NAV3: variants seen among roughly 807,000 people sequenced by gnomAD.
NAV3 encodes pore membrane and/or filament interacting like protein 1.
Under a neutral mutation model 244.7 loss-of-function variants are expected in NAV3, and 87 were observed. The observed-to-expected ratio is 0.36, with a 90% confidence interval of 0.30 to 0.42. NAV3 has a LOEUF of 0.42. NAV3 is among the 20% of genes least tolerant of loss of function. NAV3 has a pLI of 1.00. For missense variants in NAV3, 2,663 were observed against 2,893.3 expected, an observed-to-expected ratio of 0.92 and a Z score of 1.83; for synonymous variants, 1,126 against 1,042.2, an observed-to-expected ratio of 1.08 and a Z score of -1.55.
Position 78,127,161 on chromosome 12 carries a change from T to C in NAV3, c.4239-6T>C. The C allele has an allele frequency of 1.2e-6, 2 of 1,613,696 alleles. No homozygotes were observed. The highest frequency in any genetic ancestry group is 2.2e-5 in the East Asian group (1 of 44,846). On this transcript the variant is annotated splice_region_variant and splice_polypyrimidine_tract_variant and intron_variant, in intron 16 of 39. Transcript: ENST00000397909. ...ATGTCCTTAGGGGTTTTCTTTGTTTTAACAGCATGCAGCTTGACAGAAATA... is the reference window on the plus strand; with the variant it reads ...ATGTCCTTAGGGGTTTTCTTTGTTTCAACAGCATGCAGCTTGACAGAAATA...
At chr12:77,742,857 C>T (rs1236695377) in intron 2 of NAV3, among the ~76,000 whole-genome samples, 1 of 151,912 alleles carries the variant, frequency 6.6e-6, no homozygotes, top group Non-Finnish European at 1.5e-5. Flanking sequence ...TTCATCTCTC[C>T]AGTCAATTGC....
chr12:77,980,881 C>T (rs1188171469), intron 5 of NAV3, among the ~76,000 whole-genome samples: 1 of 152,120 alleles, frequency 6.6e-6, no homozygotes, highest in Non-Finnish European at 1.5e-5. Flanking sequence ...GACTTTGATG[C>T]TGTAATATCT....
Position 78,007,104 on chromosome 12 carries a change from G to A in NAV3, c.1566G>A (p.Pro522=), listed in dbSNP as rs34276383. ...TTAAKKESLI[P]SSSGIPKPGS... The stretch of plus-strand genomic sequence containing the variant: ...CAGCTAAGAAGGAAAGCTTAATTCC[G>A]TCTTCCAGTGGTATTCCAAAACCAG... The change falls in exon 8 of 40, where the codon CCG becomes CCA. Residue 522 remains proline, a synonymous_variant. Transcript: ENST00000397909. The A allele has an allele frequency of 0.13, 211,838 of 1,613,920 alleles. 14,568 individuals are homozygous for A. Among genetic ancestry groups the A allele is most frequent in the South Asian group, 0.19 (17,454 of 91,074 alleles).
intron 3 of NAV3, among the ~76,000 whole-genome samples, chr12:77,958,097 A>C (rs1891541897): frequency 6.6e-6 from 1 of 152,220 alleles, no homozygotes; most frequent in East Asian, 1.9e-4. Context: ...GAAGGTGATG[A>C]AAATTCTTCC....
chr12:77,789,468 A>G (rs1871070521), intron 2 of NAV3, among the ~76,000 whole-genome samples: 1 of 151,548 alleles, frequency 6.6e-6, no homozygotes, highest in Non-Finnish European at 1.5e-5. Context: ...TGGAAGAATA[A>G]TTGTATAAAA....
chr12:77,947,093 A>G (rs1253085143), intron 3 of NAV3, among the ~76,000 whole-genome samples: 1 of 152,040 alleles, frequency 6.6e-6, no homozygotes, highest in African/African-American at 2.4e-5. Flanking sequence ...GTTGTTTACA[A>G]TTTGCTGATA....
chr12:78,152,474 C>T (rs1357691607), intron 22 of NAV3, among the ~76,000 whole-genome samples: 2 of 151,594 alleles, frequency 1.3e-5, no homozygotes, highest in Admixed American at 6.6e-5. Flanking sequence ...ATTTGAATTA[C>T]TCTCAAGTCA....
At chr12:77,961,684 T>G (rs2137860479) in intron 3 of NAV3, among the ~76,000 whole-genome samples, 1 of 147,520 alleles carries the variant, frequency 6.8e-6, no homozygotes, top group South Asian at 2.1e-4. Context: ...GTAATATATG[T>G]AATATATGTT....
At chr12:77,767,953 A>T (rs539455432) in intron 2 of NAV3, among the ~76,000 whole-genome samples, 1 of 152,340 alleles carries the variant, frequency 6.6e-6, no homozygotes, top group Non-Finnish European at 1.5e-5. Flanking sequence ...GTATGCAGAC[A>T]ACTGGAGGGT....
chr12:77,889,847 T>C (rs1306936752), intron 1 of NAV3, among the ~76,000 whole-genome samples: 4 of 152,220 alleles, frequency 2.6e-5, no homozygotes, highest in African/African-American at 7.2e-5. Context: ...ATGGTTATGA[T>C]GTTCTTATGC....
chr12:77,901,620 G>A (rs561124219), intron 1 of NAV3, among the ~76,000 whole-genome samples: 4 of 152,280 alleles, frequency 2.6e-5, no homozygotes, highest in Non-Finnish European at 5.9e-5. Flanking sequence ...TGAGGCACGA[G>A]AATCACTTGA....
intron 22 of NAV3, among the ~76,000 whole-genome samples, chr12:78,155,013 T>C (rs1957244954): frequency 6.6e-6 from 1 of 151,076 alleles, no homozygotes; most frequent in Non-Finnish European, 1.5e-5. Context: ...TTTAAGACAA[T>C]ATTTTTTTTC....
intron 22 of NAV3, among the ~76,000 whole-genome samples, chr12:78,149,759 T>C (rs1426676211): frequency 6.6e-6 from 1 of 152,050 alleles, no homozygotes; most frequent in Non-Finnish European, 1.5e-5. Flanking sequence ...GCTCCTCTAC[T>C]GAGTTTTTCT....
chr12:77,768,731 T>C (rs896695195), intron 2 of NAV3, among the ~76,000 whole-genome samples: 5 of 152,202 alleles, frequency 3.3e-5, no homozygotes, highest in African/African-American at 4.8e-5. Context: ...GCTGAAGCTA[T>C]GCCTGGGAGG....
chr12:77,853,603 A>T (rs1307325733), intron 1 of NAV3, among the ~76,000 whole-genome samples: 1 of 152,184 alleles, frequency 6.6e-6, no homozygotes, highest in African/African-American at 2.4e-5. Context: ...AATACTTCTG[A>T]TAGCAACATT....
intron 2 of NAV3, among the ~76,000 whole-genome samples, chr12:77,805,396 A>G (rs1301122219): frequency 6.6e-6 from 1 of 152,192 alleles, no homozygotes; most frequent in African/African-American, 2.4e-5. Context: ...AATTTTATCA[A>G]AGGTCTTTTC....
At chr12:77,874,163 A>C (rs78788648) in intron 1 of NAV3, among the ~76,000 whole-genome samples, 5,146 of 152,148 alleles carry the variant, frequency 0.034, 295 homozygotes, top group African/African-American at 0.12. Flanking sequence ...TGCCAAAAAA[A>C]GTTGGGGACT....
intron 2 of NAV3, among the ~76,000 whole-genome samples, chr12:77,598,311 G>T: frequency 6.6e-6 from 1 of 151,922 alleles, no homozygotes; most frequent in Non-Finnish European, 1.5e-5. Context: ...CCAATCTATT[G>T]ACCATTTCAT....
intron 2 of NAV3, among the ~76,000 whole-genome samples, chr12:77,745,334 G>T (rs1868480757): frequency 6.6e-6 from 1 of 151,996 alleles, no homozygotes. Flanking sequence ...TGTAAAAACT[G>T]GGAATATTTG....
Sources: gnomAD v4.1 joint callset for allele counts (sites outside exome capture counted in the v4.1 genomes callset) on GRCh38, gnomAD v4.1.1 for gene constraint, MANE v1.5 for transcripts, NCBI Gene and HGNC (gene_info 2026-07-23, HGNC 2026-07-21) for gene names.